The following PTPRT variants were observed in gnomAD, a reference collection of about 807,000 sequenced individuals.
PTPRT encodes receptor-type tyrosine-protein phosphatase T.
Under a neutral mutation model 176.8 loss-of-function variants are expected in PTPRT, and 56 were observed. The ratio of observed to expected loss-of-function variants is 0.32; its 90% confidence interval spans 0.26 to 0.40. PTPRT has a LOEUF of 0.40. Among genes scored for constraint, PTPRT ranks in the 10% least tolerant of loss-of-function variants. The pLI is 1.00. For synonymous variants in PTPRT, 783 were observed against 739.0 expected (o/e 1.06, Z -0.96); for missense variants, 1,540 against 1,908.2 (o/e 0.81, Z 3.60).
At chr20:42,518,006 T>G (rs1442384007) in intron 7 of PTPRT, among the ~76,000 whole-genome samples, 3 of 151,986 alleles carry the variant, frequency 2.0e-5, no homozygotes, top group Admixed American at 2.0e-4. Context: ...AAAATGTTAC[T>G]TACTGAGAGA....
At chr20:42,619,025 C>T (rs896363141) in intron 7 of PTPRT, among the ~76,000 whole-genome samples, 2 of 151,646 alleles carry the variant, frequency 1.3e-5, no homozygotes, top group African/African-American at 4.9e-5. Context: ...GATGCAGTTT[C>T]TTCCTAGTCT....
At chr20:42,903,498 T>C (rs2079433487) in intron 1 of PTPRT, among the ~76,000 whole-genome samples, 1 of 152,208 alleles carries the variant, frequency 6.6e-6, no homozygotes, top group South Asian at 2.1e-4. Flanking sequence ...AACTCGATAA[T>C]AGCATCCGGC....
chr20:42,586,499 A>G (rs2073473216), intron 7 of PTPRT, among the ~76,000 whole-genome samples: 1 of 152,122 alleles, frequency 6.6e-6, no homozygotes, highest in African/African-American at 2.4e-5. Flanking sequence ...TCTAGCTCCC[A>G]AAGTGGGGAC....
At chr20:42,163,829 GA>G (rs2146514104) in intron 16 of PTPRT, among the ~76,000 whole-genome samples, 1 of 152,252 alleles carries the variant, frequency 6.6e-6, no homozygotes, top group East Asian at 1.9e-4. Context: ...AAGCCAGTGT[GA>G]ACCTGCTGAA....
chr20:42,453,939 T>C (rs2070877601), intron 8 of PTPRT, among the ~76,000 whole-genome samples: 1 of 152,014 alleles, frequency 6.6e-6, no homozygotes, highest in Admixed American at 6.6e-5. Flanking sequence ...CCTCAGGTGA[T>C]ACACCTGTGT....
chr20:42,106,972 C>G (rs774542250), intron 23 of PTPRT, 51 bp from the exon 24 acceptor site: 7 of 1,590,952 alleles, frequency 4.4e-6, no homozygotes, highest in Non-Finnish European at 4.3e-6. Flanking sequence ...GGGAACCTGC[C>G]CTGGGGAGGC....
At chr20:42,354,195 C>T (rs1445267660) in intron 9 of PTPRT, among the ~76,000 whole-genome samples, 2 of 152,224 alleles carry the variant, frequency 1.3e-5, no homozygotes, top group Non-Finnish European at 2.9e-5. Flanking sequence ...CTCACACTCC[C>T]TTGCAATCCT....
chr20:42,626,439 G>T (rs1025829814), intron 7 of PTPRT, among the ~76,000 whole-genome samples: 1 of 152,168 alleles, frequency 6.6e-6, no homozygotes, highest in Non-Finnish European at 1.5e-5. Context: ...CTATTCAGTT[G>T]CATGTTTCCA....
At position 42,184,631 on chromosome 20, in the gene PTPRT, T is replaced by TTC. The variant is rs542266045; in HGVS notation, c.2491+14607_2491+14608dup. Among the ~76,000 whole-genome samples the TTC allele has an allele frequency of 4.7e-3, 667 of 143,090 alleles. 11 individuals are homozygous for TTC. The highest frequency in any genetic ancestry group is 0.016 in the African/African-American group (633 of 38,522). The allele number at this position is 143,090 out of a possible 152,430, so 93.9% of individuals were successfully genotyped here. On this transcript the variant is annotated intron_variant, in intron 16 of 30. Transcript: ENST00000373187. ...CTTCTTCTTCTCCTCCTTCTTCTCC[T>TTC]TCTCTCTCTCTCTCTCGATAGAGTT...
intron 1 of PTPRT, among the ~76,000 whole-genome samples, chr20:43,155,034 A>C (rs2014478070): frequency 6.6e-6 from 1 of 152,224 alleles, no homozygotes; most frequent in Non-Finnish European, 1.5e-5. Flanking sequence ...GGCTTTCATC[A>C]AAATGACGAA....
chr20:42,173,347 A>T (rs1990155277), intron 16 of PTPRT, among the ~76,000 whole-genome samples: 1 of 152,132 alleles, frequency 6.6e-6, no homozygotes, highest in Non-Finnish European at 1.5e-5. Context: ...GAGTGTGTGT[A>T]TCCTGGCAAG....
At chr20:43,187,139 T>A (rs1333418657) in intron 1 of PTPRT, among the ~76,000 whole-genome samples, 1 of 152,238 alleles carries the variant, frequency 6.6e-6, no homozygotes, top group Non-Finnish European at 1.5e-5. Context: ...CCGCCCCGAC[T>A]TTTGGACACT....
At chr20:42,816,000 A>G (rs1277011922) in intron 2 of PTPRT, among the ~76,000 whole-genome samples, 1 of 152,088 alleles carries the variant, frequency 6.6e-6, no homozygotes, top group Non-Finnish European at 1.5e-5. Flanking sequence ...GGTTATGAAC[A>G]TCTACAAAAA....
chr20:42,802,496 C>T (rs1345832719), intron 2 of PTPRT, among the ~76,000 whole-genome samples: 2 of 152,234 alleles, frequency 1.3e-5, no homozygotes, highest in Admixed American at 6.5e-5. Context: ...TTGACTCCCC[C>T]AAATGTACTA....
At chr20:42,597,941 C>T (rs1322270591) in intron 7 of PTPRT, among the ~76,000 whole-genome samples, 3 of 151,884 alleles carry the variant, frequency 2.0e-5, no homozygotes, top group Non-Finnish European at 4.4e-5. Flanking sequence ...ACAATCTTTG[C>T]CATAGTAATC....
rs373020501 is a variant in PTPRT, at chr20:42,755,745, T to C, written c.859+717A>G. Among the ~76,000 whole-genome samples the C allele has an allele frequency of 2.3e-4, 35 of 152,178 alleles. 2 individuals carry two copies. In the South Asian group the frequency reaches 7.1e-3, roughly 31 times the overall value. The stretch of plus-strand genomic sequence containing the variant: ...CTCCATGGAGGTGCTAATTGTTACA[T>C]ACACAAAGGAAAGAAAAAAACAAGA... On this transcript the variant is annotated intron_variant, in intron 6 of 30. Coordinates refer to ENST00000373187, the MANE Select transcript of PTPRT (RefSeq NM_007050.6).
intron 1 of PTPRT, among the ~76,000 whole-genome samples, chr20:42,905,826 C>T (rs537707571): frequency 1.3e-5 from 2 of 148,894 alleles, no homozygotes; most frequent in African/African-American, 4.9e-5. Context: ...AACAGAAAAC[C>T]AAACACCGCA....
chr20:43,122,873 G>C (rs1046854609), intron 1 of PTPRT, among the ~76,000 whole-genome samples: 1 of 152,146 alleles, frequency 6.6e-6, no homozygotes, highest in Non-Finnish European at 1.5e-5. Flanking sequence ...TTGTTTTTGA[G>C]ATGGAGTTTC....
Position 43,189,313 on chromosome 20 carries a change from T to G in PTPRT, c.88+333A>C, listed in dbSNP as rs2146498288. Among the ~76,000 whole-genome samples the G allele has an allele frequency of 6.6e-6, 1 of 151,652 alleles. No individual in the cohort carries two copies. The highest frequency in any genetic ancestry group is 2.4e-5 in the African/African-American group (1 of 41,352). The stretch of plus-strand genomic sequence containing the variant: ...CTCCTCGTCTCGCCGCCCCAAACAC[T>G]CAAGTGGCAGATTCCGACAAGTGGG... On this transcript the variant is annotated intron_variant, in intron 1 of 30. Transcript: ENST00000373187. The surrounding 1 kb of genome is among the most constrained non-coding windows in gnomAD (Gnocchi z 5.0).
Sources: allele counts gnomAD v4.1 joint callset (sites outside exome capture counted in the v4.1 genomes callset), GRCh38; gene constraint gnomAD v4.1.1; non-coding constraint Gnocchi (gnomAD v3.1); transcripts MANE v1.5; gene names NCBI Gene and HGNC (gene_info 2026-07-23, HGNC 2026-07-21).